The following CNOT10 variants were observed in gnomAD, a reference collection of about 807,000 sequenced individuals.
CNOT10 encodes CCR4-NOT transcription complex subunit 10, also known as CCR4-NOT transcription complex, subunit 10.
Under a neutral mutation model 94.6 loss-of-function variants are expected in CNOT10, and 30 were observed. The observed-to-expected ratio is 0.32, with a 90% confidence interval of 0.24 to 0.43. The LOEUF (loss-of-function observed/expected upper bound fraction) is 0.43. Among genes scored for constraint, CNOT10 ranks in the 20% least tolerant of loss-of-function variants. The probability of loss-of-function intolerance (pLI) is 1.00; values close to 1 mark genes in which losing one functional copy is unlikely to be tolerated. For missense variants in CNOT10, 759 were observed against 877.2 expected, an observed-to-expected ratio of 0.87 and a Z score of 1.70; for synonymous variants, 289 against 301.6, an observed-to-expected ratio of 0.96 and a Z score of 0.43.
chr3:32,769,777 C>T (rs76396208), intron 17 of CNOT10, 110 bp from the exon 18 acceptor site: 23,286 of 812,100 alleles, frequency 0.029, 666 homozygotes, highest in African/African-American at 0.099. Context: ...TAGGAAGTCA[C>T]GTGGGAATGA....
intron 8 of CNOT10, among the ~76,000 whole-genome samples, chr3:32,722,390 A>T (rs74760664): frequency 0.022 from 3,349 of 152,276 alleles, 48 homozygotes; most frequent in East Asian, 0.048. Flanking sequence ...TTTCATTGTC[A>T]TAGTTTCTCC....
intron 17 of CNOT10, among the ~76,000 whole-genome samples, chr3:32,767,519 C>CAA (rs10687739): frequency 0.48 from 50,867 of 105,252 alleles, 13,745 homozygotes; most frequent in Non-Finnish European, 0.54. Flanking sequence ...AACTCTGTCT[C>CAA]AAAAAAAAAA....
Position 32,713,113 on chromosome 3 carries a change from G to GT in CNOT10, c.431-113dup. On this transcript the variant is annotated intron_variant, in intron 4 of 18. Transcript: ENST00000328834. ...CTCTAGGTGATAGGCATTCATTTGA[G>GT]TAAAGACTTATGCTTTGCTATTTAA... The GT allele has an allele frequency of 5.0e-6, 4 of 804,362 alleles. No individual in the cohort carries two copies. In the South Asian group the frequency reaches 9.0e-5, roughly 18 times the overall value. The allele number at this position is 804,362 out of a possible 1,614,324, so 49.8% of individuals were successfully genotyped here.
At chr3:32,746,358 T>G (rs993614118) in intron 13 of CNOT10, among the ~76,000 whole-genome samples, 5 of 152,166 alleles carry the variant, frequency 3.3e-5, no homozygotes, top group Non-Finnish European at 7.3e-5. Context: ...ATTATTACAT[T>G]GTAATATATA....
intron 1 of CNOT10, among the ~76,000 whole-genome samples, chr3:32,698,083 G>T (rs915776187): frequency 1.1e-4 from 16 of 152,150 alleles, no homozygotes; most frequent in Non-Finnish European, 1.8e-4. Flanking sequence ...TTGTGCACCT[G>T]ACAGTTCTGC....
At chr3:32,744,855 A>G (rs1376194869) in intron 13 of CNOT10, among the ~76,000 whole-genome samples, 1 of 152,018 alleles carries the variant, frequency 6.6e-6, no homozygotes, top group Non-Finnish European at 1.5e-5. Context: ...ACATCCTCTC[A>G]TATACTTTAC....
intron 9 of CNOT10, among the ~76,000 whole-genome samples, chr3:32,726,032 C>T (rs575502335): frequency 1.5e-4 from 23 of 152,078 alleles, no homozygotes; most frequent in Non-Finnish European, 2.6e-4. Flanking sequence ...TCAACTTCTG[C>T]CTCCTGGGCT....
chr3:32,698,887 G>A (rs1018865837), intron 1 of CNOT10, among the ~76,000 whole-genome samples: 4 of 152,292 alleles, frequency 2.6e-5, no homozygotes, highest in African/African-American at 9.6e-5. Context: ...CTGTGTTCAA[G>A]CAATCCTCCC....
intron 13 of CNOT10, among the ~76,000 whole-genome samples, chr3:32,751,720 G>T (rs1699974069): frequency 6.6e-6 from 1 of 152,194 alleles, no homozygotes; most frequent in South Asian, 2.1e-4. Flanking sequence ...TGGTGATATT[G>T]TAGCCCATAA....
At chr3:32,737,547 G>T in intron 13 of CNOT10, 57 bp downstream of exon 13, 2 of 1,143,474 alleles carry the variant, frequency 1.7e-6, no homozygotes, top group Non-Finnish European at 2.6e-6. Flanking sequence ...ATTCATGGCT[G>T]GGCACAGTGG....
At chr3:32,763,205 C>CTG (rs1481891994) in intron 15 of CNOT10, among the ~76,000 whole-genome samples, 1 of 151,976 alleles carries the variant, frequency 6.6e-6, no homozygotes, top group Admixed American at 6.6e-5. Context: ...GGCGTGGTGG[C>CTG]TCACGCCTGT....
intron 13 of CNOT10, chr3:32,753,898 CTAAA>C (rs1324653499): frequency 1.5e-6 from 2 of 1,295,312 alleles, no homozygotes; most frequent in Non-Finnish European, 2.2e-6. Context: ...GGAAAAAGTA[CTAAA>C]TAAATTAATT....
At chr3:32,705,063 T>C in intron 3 of CNOT10, 91 bp downstream of exon 3, 1 of 863,160 alleles carries the variant, frequency 1.2e-6, no homozygotes, top group Non-Finnish European at 1.7e-6. Flanking sequence ...ATGTGATTTG[T>C]CTGGTATTTC....
At chr3:32,732,117 G>A (rs540851223) in intron 10 of CNOT10, among the ~76,000 whole-genome samples, 106 of 152,028 alleles carry the variant, frequency 7.0e-4, no homozygotes, top group African/African-American at 2.0e-3. Flanking sequence ...CTGGCTGGGC[G>A]CGGTAGCTCA....
At chr3:32,767,519 C>CAAA (rs10687739) in intron 17 of CNOT10, among the ~76,000 whole-genome samples, 1,801 of 105,214 alleles carry the variant, frequency 0.017, 77 homozygotes, top group Non-Finnish European at 0.024. Context: ...AACTCTGTCT[C>CAAA]AAAAAAAAAA....
intron 1 of CNOT10, among the ~76,000 whole-genome samples, chr3:32,687,439 G>GTTTTTTGTTTTGTT (rs1696653694): frequency 5.8e-5 from 3 of 51,312 alleles, no homozygotes; most frequent in South Asian, 1.1e-3. Flanking sequence ...AGTCCTCACG[G>GTTTTTTGTTTTGTT]TTTTTTTTTT....
chr3:32,687,439 GTTTTTTTTTTTTGTTTTT>G (rs1696657180), intron 1 of CNOT10, among the ~76,000 whole-genome samples: 1 of 51,320 alleles, frequency 1.9e-5, no homozygotes, highest in Non-Finnish European at 3.4e-5. Flanking sequence ...AGTCCTCACG[GTTTTTTTTTTTTGTTTTT>G]TTTTTTTTTT....
intron 13 of CNOT10, among the ~76,000 whole-genome samples, chr3:32,741,626 A>G (rs896495410): frequency 2.0e-5 from 3 of 152,036 alleles, no homozygotes; most frequent in Non-Finnish European, 4.4e-5. Context: ...AAAATTAGCC[A>G]GGCATGGTGG....
intron 10 of CNOT10, among the ~76,000 whole-genome samples, chr3:32,733,192 G>A (rs916211689): frequency 1.1e-4 from 16 of 152,072 alleles, no homozygotes; most frequent in African/African-American, 3.6e-4. Flanking sequence ...GATTTTGTTC[G>A]TAGAATTTTC....
Sources: gnomAD v4.1 joint callset for allele counts (sites outside exome capture counted in the v4.1 genomes callset) on GRCh38, gnomAD v4.1.1 for gene constraint, MANE v1.5 for transcripts, NCBI Gene and HGNC (gene_info 2026-07-23, HGNC 2026-07-21) for gene names.